The following DAB1 variants were observed in gnomAD, a reference collection of about 807,000 sequenced individuals.
DAB1 encodes the protein DAB adaptor protein 1, also known as disabled homolog 1.
Under a neutral mutation model 64.6 loss-of-function variants are expected in DAB1, and 15 were observed. The ratio of observed to expected loss-of-function variants is 0.23; its 90% CI spans 0.16 to 0.36. DAB1 has a LOEUF of 0.36. Among genes scored for constraint, DAB1 ranks in the 10% least tolerant of loss-of-function variants. The pLI, the probability that DAB1 is intolerant of heterozygous loss-of-function variation, is 1.00. For missense variants in DAB1, 596 were observed against 706.7 expected (o/e 0.84, Z 1.78); for synonymous variants, 235 against 251.9 (o/e 0.93, Z 0.64).
chr1:57,268,466 T>C (rs1670749183), intron 2 of DAB1, among the ~76,000 whole-genome samples: 1 of 152,210 alleles, frequency 6.6e-6, no homozygotes, highest in Non-Finnish European at 1.5e-5. Context: ...AGTCCCAGAA[T>C]GATACTGGCA....
intron 7 of DAB1, among the ~76,000 whole-genome samples, chr1:57,510,330 G>A (rs896715919): frequency 5.3e-5 from 8 of 151,984 alleles, no homozygotes; most frequent in South Asian, 2.1e-4. Context: ...GCCACACAGC[G>A]TTTCATTCCT....
intron 7 of DAB1, among the ~76,000 whole-genome samples, chr1:57,504,516 T>C (rs1262671799): frequency 6.6e-6 from 1 of 152,152 alleles, no homozygotes; most frequent in African/African-American, 2.4e-5. Flanking sequence ...ATAAAATAAA[T>C]ATCCTTGAGT....
chr1:57,570,019 CTGAGT>C (rs745386495), intron 7 of DAB1, among the ~76,000 whole-genome samples: 2 of 152,038 alleles, frequency 1.3e-5, no homozygotes, highest in Non-Finnish European at 2.9e-5. Context: ...GATGGTAATA[CTGAGT>C]TGAGTGTCAA....
chr1:57,226,676 T>A (rs190833297), intron 2 of DAB1, among the ~76,000 whole-genome samples: 11,170 of 92,204 alleles, frequency 0.12, 490 homozygotes, highest in Admixed American at 0.16. Flanking sequence ...AAAAAAAATA[T>A]ATATATATAT....
chr1:58,147,306 C>CAAAAA (rs1192982112), intron 5 of DAB1, among the ~76,000 whole-genome samples: 2 of 41,702 alleles, frequency 4.8e-5, no homozygotes, highest in African/African-American at 2.1e-4. Flanking sequence ...GACTCCGTCT[C>CAAAAA]AAAAAAAAAA....
At chr1:58,505,267 T>A (rs1402383480) in intron 3 of DAB1, among the ~76,000 whole-genome samples, 1 of 152,220 alleles carries the variant, frequency 6.6e-6, no homozygotes, top group Non-Finnish European at 1.5e-5. Context: ...CCTGGATCTG[T>A]TGTGCTATGC....
chr1:57,684,581 C>T (rs1646672608), intron 6 of DAB1, among the ~76,000 whole-genome samples: 2 of 152,104 alleles, frequency 1.3e-5, no homozygotes, highest in South Asian at 4.1e-4. Flanking sequence ...GAATTCATTA[C>T]AACTAGATCA....
At chr1:57,652,532 G>A (rs1388151945) in intron 6 of DAB1, among the ~76,000 whole-genome samples, 1 of 152,144 alleles carries the variant, frequency 6.6e-6, no homozygotes, top group African/African-American at 2.4e-5. Flanking sequence ...CTTCATCTGG[G>A]CAGCATGCAA....
chr1:57,114,395 C>G (rs1655928919), intron 4 of DAB1, among the ~76,000 whole-genome samples: 1 of 152,144 alleles, frequency 6.6e-6, no homozygotes, highest in East Asian at 1.9e-4. Flanking sequence ...AAAGAAACCT[C>G]CTTGGAAATG....
chr1:57,992,450 A>G (rs1210141192), intron 5 of DAB1, among the ~76,000 whole-genome samples: 1 of 152,010 alleles, frequency 6.6e-6, no homozygotes, highest in Non-Finnish European at 1.5e-5. Flanking sequence ...GTAGATAAAG[A>G]TGAGGTAGAA....
chr1:58,011,125 T>G (rs1276906678), intron 5 of DAB1, among the ~76,000 whole-genome samples: 1 of 152,218 alleles, frequency 6.6e-6, no homozygotes, highest in Non-Finnish European at 1.5e-5. Flanking sequence ...GCCTTCACTT[T>G]CTGGTCATCT....
intron 5 of DAB1, among the ~76,000 whole-genome samples, chr1:58,123,335 T>A (rs1410960071): frequency 6.6e-6 from 1 of 152,172 alleles, no homozygotes; most frequent in Non-Finnish European, 1.5e-5. Context: ...AGAGTCTTCC[T>A]GGGGCACATT....
intron 6 of DAB1, among the ~76,000 whole-genome samples, chr1:57,709,161 T>C (rs994930452): frequency 1.2e-4 from 18 of 152,194 alleles, no homozygotes; most frequent in African/African-American, 4.3e-4. Context: ...CTATCTACTT[T>C]TAAAGTCTTT....
At chr1:57,114,952 T>A (rs528221238) in intron 4 of DAB1, among the ~76,000 whole-genome samples, 1 of 152,248 alleles carries the variant, frequency 6.6e-6, no homozygotes, top group East Asian at 1.9e-4. Flanking sequence ...GTAGAGATAA[T>A]AATAGTATCC....
At chr1:58,481,923 T>G (rs781545390) in intron 3 of DAB1, among the ~76,000 whole-genome samples, 2 of 152,214 alleles carry the variant, frequency 1.3e-5, no homozygotes, top group Non-Finnish European at 2.9e-5. Context: ...TAAACCTCTT[T>G]CCTTCATAAA....
chr1:58,248,004 A>T (rs1660629819), intron 4 of DAB1, among the ~76,000 whole-genome samples: 2 of 152,160 alleles, frequency 1.3e-5, no homozygotes, highest in Admixed American at 6.5e-5. Context: ...TTCCATTTTT[A>T]AAAAGGAGCA....
At chr1:57,155,131 T>C (rs565497484) in intron 2 of DAB1, among the ~76,000 whole-genome samples, 2 of 152,352 alleles carry the variant, frequency 1.3e-5, no homozygotes, top group African/African-American at 4.8e-5. Context: ...TTTTCTCCAA[T>C]GTTTTCTTGT....
At chr1:57,513,770 A>C (rs966009273) in intron 7 of DAB1, among the ~76,000 whole-genome samples, 1 of 152,222 alleles carries the variant, frequency 6.6e-6, no homozygotes, top group Non-Finnish European at 1.5e-5. Flanking sequence ...CATATTGTGC[A>C]GTAGAACTCT....
chr1:58,334,939 A>T (rs1260043959), intron 4 of DAB1, among the ~76,000 whole-genome samples: 1 of 152,182 alleles, frequency 6.6e-6, no homozygotes, highest in Non-Finnish European at 1.5e-5. Context: ...GGGGAATAGA[A>T]TGATGAAGAA....
Sources: allele counts gnomAD v4.1 joint callset (sites outside exome capture counted in the v4.1 genomes callset), GRCh38; gene constraint gnomAD v4.1.1; transcripts MANE v1.5; gene names NCBI Gene and HGNC (gene_info 2026-07-23, HGNC 2026-07-21).